The following RALYL variants were observed in gnomAD, a reference collection of about 807,000 sequenced individuals.
RALYL encodes RALY RNA binding protein like.
In RALYL, 29 loss-of-function variants were observed where a neutral mutation model predicts 35.1. The ratio of observed to expected loss-of-function variants is 0.83; its 90% CI spans 0.61 to 1.13. RALYL has a LOEUF of 1.13. RALYL is among the 50% of genes most tolerant of loss of function. The pLI is 0.00. For missense variants in RALYL, 359 were observed against 360.4 expected, an observed-to-expected ratio of 1.00 and a Z score of 0.03; for synonymous variants, 120 against 127.6, an observed-to-expected ratio of 0.94 and a Z score of 0.40.
chr8:84,750,101 C>T (rs1335678202), intron 2 of RALYL, among the ~76,000 whole-genome samples: 1 of 152,140 alleles, frequency 6.6e-6, no homozygotes, highest in Non-Finnish European at 1.5e-5. Flanking sequence ...TTAAGAATTA[C>T]ACATAAGAAA....
intron 1 of RALYL, among the ~76,000 whole-genome samples, chr8:84,250,808 A>C (rs1286923171): frequency 1.3e-5 from 2 of 152,146 alleles, no homozygotes; most frequent in African/African-American, 4.8e-5. Context: ...TAATGGAAAA[A>C]TAGGGTGTAA....
intron 1 of RALYL, among the ~76,000 whole-genome samples, chr8:84,500,100 G>T (rs1278268926): frequency 2.6e-5 from 4 of 152,048 alleles, no homozygotes; most frequent in Non-Finnish European, 4.4e-5. Context: ...AGGCCTATAT[G>T]ACACCGTATA....
At position 84,468,211 on chromosome 8, in the gene RALYL, G is replaced by T. The variant is rs550573205; in HGVS notation, c.-23-61088G>T. On this transcript the variant is annotated intron_variant, in intron 1 of 8. Coordinates refer to ENST00000521268, the MANE Select transcript of RALYL (RefSeq NM_173848.7). ...ATGATTATAGCTGGTGATTTTGCTC[G>T]TTAGTTGATGCAGTTTCTTCCTAGT... is the stretch of plus-strand genomic sequence containing the variant. 4.0e-5 allele frequency among the ~76,000 whole-genome samples: 6 copies of T among 151,780 alleles called. No homozygotes were observed. The East Asian group carries it at 7.8e-4, about 20-fold the overall frequency.
intron 8 of RALYL, among the ~76,000 whole-genome samples, chr8:84,896,009 G>A (rs75570853): frequency 0.022 from 3,319 of 152,190 alleles, 119 homozygotes; most frequent in African/African-American, 0.076. Flanking sequence ...GCTTCTGGGA[G>A]TCCCAAAAAG....
intron 2 of RALYL, among the ~76,000 whole-genome samples, chr8:84,769,884 T>A (rs1043086956): frequency 6.6e-6 from 1 of 152,222 alleles, no homozygotes; most frequent in Admixed American, 6.5e-5. Flanking sequence ...TTATGAGGAA[T>A]AATGCTGTAA....
intron 2 of RALYL, among the ~76,000 whole-genome samples, chr8:84,609,843 C>T (rs773317850): frequency 4.6e-5 from 7 of 152,110 alleles, no homozygotes; most frequent in Non-Finnish European, 1.0e-4. Flanking sequence ...CACAGTTCCA[C>T]GTGGCTGGGG....
chr8:84,514,766 G>A (rs998975540), intron 1 of RALYL, among the ~76,000 whole-genome samples: 2 of 152,134 alleles, frequency 1.3e-5, no homozygotes, highest in Non-Finnish European at 2.9e-5. Flanking sequence ...CCCTTAGCCC[G>A]AATTGTGAGT....
chr8:84,916,831 T>A (rs77601573), intron 8 of RALYL, among the ~76,000 whole-genome samples: 3,316 of 151,944 alleles, frequency 0.022, 128 homozygotes, highest in African/African-American at 0.075. Flanking sequence ...TTATACTGTG[T>A]CTATAAATCA....
chr8:84,444,202 G>T (rs1280479005), intron 1 of RALYL, among the ~76,000 whole-genome samples: 1 of 152,000 alleles, frequency 6.6e-6, no homozygotes, highest in African/African-American at 2.4e-5. Context: ...TGTGGTGCGT[G>T]TCTATAGTCC....
At chr8:84,412,525 T>C (rs2044207944) in intron 1 of RALYL, among the ~76,000 whole-genome samples, 2 of 151,910 alleles carry the variant, frequency 1.3e-5, no homozygotes, top group African/African-American at 2.4e-5. Context: ...AAAAGTGAAT[T>C]GTGAATCCCA....
At chr8:84,356,906 A>C (rs985826816) in intron 1 of RALYL, among the ~76,000 whole-genome samples, 3 of 152,038 alleles carry the variant, frequency 2.0e-5, no homozygotes, top group Admixed American at 2.0e-4. Context: ...TAATAGAGTA[A>C]ATAGTGTTTG....
chr8:84,680,234 T>A (rs1392148119), intron 2 of RALYL, among the ~76,000 whole-genome samples: 2 of 152,238 alleles, frequency 1.3e-5, no homozygotes, highest in Non-Finnish European at 2.9e-5. Context: ...CACATTTTCT[T>A]AACCCAGTCT....
intron 1 of RALYL, among the ~76,000 whole-genome samples, chr8:84,371,314 A>G (rs761209471): frequency 5.9e-5 from 9 of 151,970 alleles, no homozygotes; most frequent in Non-Finnish European, 1.3e-4. Context: ...ATTTTAAAAG[A>G]TTTTTAGTAT....
At chr8:84,844,984 G>T (rs1834307630) in intron 4 of RALYL, among the ~76,000 whole-genome samples, 1 of 152,018 alleles carries the variant, frequency 6.6e-6, no homozygotes, top group Non-Finnish European at 1.5e-5. Context: ...GGGGGAAGGG[G>T]GGAGGGATAC....
At chr8:84,835,811 G>T (rs1315762685) in intron 4 of RALYL, among the ~76,000 whole-genome samples, 1 of 151,828 alleles carries the variant, frequency 6.6e-6, no homozygotes, top group Non-Finnish European at 1.5e-5. Flanking sequence ...AAAAGATTGT[G>T]TCAAGATACA....
intron 1 of RALYL, among the ~76,000 whole-genome samples, chr8:84,375,496 A>G (rs1856738933): frequency 6.6e-6 from 1 of 151,882 alleles, no homozygotes; most frequent in South Asian, 2.1e-4. Context: ...ACCTAATTTA[A>G]TAGAAGTTTT....
At chr8:84,557,731 A>G (rs2061225961) in intron 2 of RALYL, among the ~76,000 whole-genome samples, 1 of 152,166 alleles carries the variant, frequency 6.6e-6, no homozygotes, top group Non-Finnish European at 1.5e-5. Context: ...AGATCTATTT[A>G]CTATAGAAAA....
intron 1 of RALYL, among the ~76,000 whole-genome samples, chr8:84,309,302 G>A (rs1405102109): frequency 6.6e-6 from 1 of 151,350 alleles, no homozygotes; most frequent in Non-Finnish European, 1.5e-5. Context: ...AAATTCACAG[G>A]AATTGATAAC....
chr8:84,294,685 G>A (rs60414985), intron 1 of RALYL, among the ~76,000 whole-genome samples: 1 of 151,892 alleles, frequency 6.6e-6, no homozygotes, highest in East Asian at 1.9e-4. Context: ...AAAGGTCACC[G>A]ACCTTCACTT....
Sources: allele counts gnomAD v4.1 joint callset (sites outside exome capture counted in the v4.1 genomes callset), GRCh38; gene constraint gnomAD v4.1.1; transcripts MANE v1.5; gene names NCBI Gene and HGNC (gene_info 2026-07-23, HGNC 2026-07-21).